Variants in STXBP5L observed in about 807,000 individuals in gnomAD.
STXBP5L encodes the protein syntaxin binding protein 5L.
In STXBP5L, 65 loss-of-function variants were observed where a neutral mutation model predicts 144.5. The observed-to-expected ratio is 0.45, with a 90% CI of 0.37 to 0.55. The LOEUF (loss-of-function observed/expected upper bound fraction) is 0.55, where lower values mean the gene tolerates loss of function less well. STXBP5L is among the 20% of genes least tolerant of loss of function. The pLI is 0.00. For synonymous variants in STXBP5L, 505 were observed against 469.6 expected (o/e 1.08, Z -0.97); for missense variants, 1,298 against 1,405.5 (o/e 0.92, Z 1.22).
intron 3 of STXBP5L, among the ~76,000 whole-genome samples, chr3:121,018,986 C>T (rs1945347562): frequency 6.6e-6 from 1 of 152,160 alleles, no homozygotes; most frequent in African/African-American, 2.4e-5. Context: ...GATTCTCAGC[C>T]CTGCTCACCG....
intron 3 of STXBP5L, among the ~76,000 whole-genome samples, chr3:120,978,976 T>C (rs938599944): frequency 1.3e-5 from 2 of 152,114 alleles, no homozygotes; most frequent in African/African-American, 2.4e-5. Flanking sequence ...CTCCCAGTTA[T>C]GCTGCTTGGG....
At chr3:121,236,638 G>A (rs1413648871) in intron 12 of STXBP5L, among the ~76,000 whole-genome samples, 3 of 152,164 alleles carry the variant, frequency 2.0e-5, no homozygotes, top group East Asian at 1.9e-4. Flanking sequence ...CCTGTGAAGG[G>A]GAAAGACATC....
At chr3:121,378,018 A>C (rs947977175) in intron 20 of STXBP5L, among the ~76,000 whole-genome samples, 1 of 152,208 alleles carries the variant, frequency 6.6e-6, no homozygotes. Flanking sequence ...TGTCCTTTGC[A>C]GGGAAATGGA....
At chr3:120,971,606 G>A (rs1460462588) in intron 3 of STXBP5L, among the ~76,000 whole-genome samples, 1 of 150,882 alleles carries the variant, frequency 6.6e-6, no homozygotes, top group African/African-American at 2.4e-5. Context: ...TTCTTTTTAT[G>A]GCTGAGTAGT....
At chr3:121,390,902 C>T (rs1162359357) in intron 22 of STXBP5L, among the ~76,000 whole-genome samples, 1 of 151,958 alleles carries the variant, frequency 6.6e-6, no homozygotes, top group South Asian at 2.1e-4. Flanking sequence ...TTGGTCTTCT[C>T]GTATTTCCTG....
At chr3:120,982,599 C>G (rs1576567001) in intron 3 of STXBP5L, among the ~76,000 whole-genome samples, 1 of 152,356 alleles carries the variant, frequency 6.6e-6, no homozygotes, top group Admixed American at 6.5e-5. Context: ...CTATGGCTCT[C>G]TGTCGAAGTG....
At chr3:120,997,825 AT>A (rs1943469344) in intron 3 of STXBP5L, among the ~76,000 whole-genome samples, 1 of 152,170 alleles carries the variant, frequency 6.6e-6, no homozygotes, top group Non-Finnish European at 1.5e-5. Flanking sequence ...ATGCAGAAAT[AT>A]AAGCAAATGA....
At position 120,909,709 on chromosome 3, in the gene STXBP5L, G is replaced by A; in HGVS notation, c.131G>A (p.Gly44Glu). Reference protein sequence around the residue: ...SGSVHPAGTAGVLREEIQETL... With the variant: ...SGSVHPAGTAEVLREEIQETL... ...TCCGTACATCCGGCGGGGACTGCAG[G>A]GGTTCTCAGAGAGGAAATTCAGGAA... Residue 44 changes from glycine to glutamate, a missense_variant, in exon 2 of 27, where the codon GGG becomes GAG. Physicochemically the swap from Gly to Glu is moderately conservative, Grantham distance 98 (BLOSUM62 -2). Coordinates refer to ENST00000471454, the MANE Select transcript of STXBP5L (RefSeq NM_001308330.2). The A allele has an allele frequency of 1.2e-6, 2 of 1,611,496 alleles. No individual in the cohort carries two copies. The highest frequency in any genetic ancestry group is 1.7e-6 in the Non-Finnish European group (2 of 1,179,366).
At chr3:121,070,123 G>C (rs73189311) in intron 5 of STXBP5L, among the ~76,000 whole-genome samples, 5,411 of 152,302 alleles carry the variant, frequency 0.036, 145 homozygotes, top group Middle Eastern at 0.082. Flanking sequence ...GTGATCACCG[G>C]CTCAGCCGGA....
intron 19 of STXBP5L, among the ~76,000 whole-genome samples, chr3:121,310,569 C>G (rs1001377897): frequency 1.3e-5 from 2 of 151,544 alleles, no homozygotes; most frequent in Non-Finnish European, 2.9e-5. Flanking sequence ...GAGCCGAAAT[C>G]GTGCCACTGC....
chr3:120,997,129 T>C (rs1943414356), intron 3 of STXBP5L, among the ~76,000 whole-genome samples: 1 of 151,990 alleles, frequency 6.6e-6, no homozygotes, highest in Non-Finnish European at 1.5e-5. Context: ...AAATGATTTT[T>C]TTTATGGCTG....
intron 19 of STXBP5L, among the ~76,000 whole-genome samples, chr3:121,307,615 CAG>C (rs1391815588): frequency 6.6e-6 from 1 of 151,790 alleles, no homozygotes; most frequent in Non-Finnish European, 1.5e-5. Context: ...TTAATAGAGA[CAG>C]TGCATTCTGA....
At chr3:121,100,663 A>G (rs1196210611) in intron 5 of STXBP5L, among the ~76,000 whole-genome samples, 2 of 152,102 alleles carry the variant, frequency 1.3e-5, no homozygotes, top group East Asian at 3.8e-4. Flanking sequence ...CAAATTAATG[A>G]TCTAACATCA....
chr3:121,006,260 G>T lies in STXBP5L; in HGVS notation c.288-35440G>T, dbSNP rs575568316. On this transcript the variant is annotated intron_variant, in intron 3 of 26. Coordinates refer to ENST00000471454, the MANE Select transcript of STXBP5L (RefSeq NM_001308330.2). ...CCTGTATTGGGTGCATATATATTTA[G>T]GATAGTTAGCTCTTCTTGTTGAATT... Among the ~76,000 whole-genome samples the T allele has an allele frequency of 9.2e-5, 14 of 152,248 alleles. 1 individual carries two copies. Among genetic ancestry groups the T allele is most frequent in the South Asian group, 8.3e-4 (4 of 4,816 alleles).
chr3:120,920,158 T>C (rs1474668273), intron 2 of STXBP5L, among the ~76,000 whole-genome samples: 1 of 151,822 alleles, frequency 6.6e-6, no homozygotes, highest in Non-Finnish European at 1.5e-5. Flanking sequence ...AAGTAACTCT[T>C]TAAGTCACAG....
intron 19 of STXBP5L, among the ~76,000 whole-genome samples, chr3:121,280,307 C>G (rs770707416): frequency 6.6e-6 from 1 of 151,788 alleles, no homozygotes; most frequent in Non-Finnish European, 1.5e-5. Context: ...ATGGTTGTGT[C>G]AAACAGGTTA....
At chr3:121,278,610 A>T (rs1234080148) in intron 18 of STXBP5L, among the ~76,000 whole-genome samples, 2 of 151,924 alleles carry the variant, frequency 1.3e-5, no homozygotes, top group African/African-American at 4.8e-5. Flanking sequence ...TAATATTAAG[A>T]TCAATTCTTT....
At chr3:121,364,218 T>G (rs987139712) in intron 20 of STXBP5L, among the ~76,000 whole-genome samples, 5 of 152,190 alleles carry the variant, frequency 3.3e-5, no homozygotes, top group African/African-American at 1.2e-4. Flanking sequence ...CTATTCTTTC[T>G]TAACTCAATG....
Position 120,915,743 on chromosome 3 carries a change from G to A in STXBP5L, c.189+5976G>A, listed in dbSNP as rs1470578323. ...CTAATTTCCTAGGTAATACTAAACT[G>A]TCTTTATAAGGACTAGGAAAAAAAT... On this transcript the variant is annotated intron_variant, in intron 2 of 26. Transcript: ENST00000471454. 2.0e-5 allele frequency among the ~76,000 whole-genome samples: 3 copies of A among 151,986 alleles called. No homozygotes were observed. The East Asian group carries it at 5.8e-4, about 29-fold the overall frequency.
Sources: allele counts gnomAD v4.1 joint callset (sites outside exome capture counted in the v4.1 genomes callset), GRCh38; gene constraint gnomAD v4.1.1; transcripts MANE v1.5; gene names NCBI Gene and HGNC (gene_info 2026-07-23, HGNC 2026-07-21).